SIPA1L1: variants seen among roughly 807,000 people sequenced by gnomAD.
The protein encoded by SIPA1L1 is signal-induced proliferation-associated 1-like protein 1.
Under a neutral mutation model 162.7 loss-of-function variants are expected in SIPA1L1, and 26 were observed. The observed-to-expected ratio is 0.16, with a 90% CI of 0.12 to 0.22. The LOEUF is 0.22. Among genes scored for constraint, SIPA1L1 ranks in the 10% least tolerant of loss-of-function variants. The pLI is 1.00. For synonymous variants in SIPA1L1, 829 were observed against 837.4 expected (o/e 0.99, Z 0.17); for missense variants, 1,874 against 2,241.0 (o/e 0.84, Z 3.31).
intron 2 of SIPA1L1, among the ~76,000 whole-genome samples, chr14:71,482,079 A>G (rs1595696760): frequency 6.6e-6 from 1 of 152,142 alleles, no homozygotes. Flanking sequence ...TAATGAGACC[A>G]TTGGGACCCT....
At chr14:71,455,005 C>G (rs2046088029) in intron 2 of SIPA1L1, among the ~76,000 whole-genome samples, 1 of 152,158 alleles carries the variant, frequency 6.6e-6, no homozygotes, top group Non-Finnish European at 1.5e-5. Context: ...TAATATTTGA[C>G]AGGGGCTGAC....
At chr14:71,686,809 G>A (rs185354100) in intron 13 of SIPA1L1, among the ~76,000 whole-genome samples, 1 of 152,156 alleles carries the variant, frequency 6.6e-6, no homozygotes, top group African/African-American at 2.4e-5. Context: ...CTTAGACCTG[G>A]GGAGAAGTCT....
chr14:71,647,713 C>T (rs192651758), intron 7 of SIPA1L1, among the ~76,000 whole-genome samples: 25 of 152,208 alleles, frequency 1.6e-4, no homozygotes, highest in Admixed American at 1.4e-3. Context: ...TAATAGACAT[C>T]GAGACTATCT....
chr14:71,482,684 G>A (rs1345356530), intron 2 of SIPA1L1, among the ~76,000 whole-genome samples: 1 of 152,142 alleles, frequency 6.6e-6, no homozygotes, highest in Non-Finnish European at 1.5e-5. Flanking sequence ...GGGCTCTGAT[G>A]TATTTAACCT....
At chr14:71,497,278 C>T (rs895719651) in intron 2 of SIPA1L1, among the ~76,000 whole-genome samples, 3 of 152,146 alleles carry the variant, frequency 2.0e-5, no homozygotes, top group Admixed American at 6.6e-5. Flanking sequence ...CTCCTAGACT[C>T]AAGGGATCGT....
intron 2 of SIPA1L1, among the ~76,000 whole-genome samples, chr14:71,345,570 T>G (rs1029422412): frequency 1.3e-5 from 2 of 150,730 alleles, no homozygotes; most frequent in Admixed American, 6.7e-5. Context: ...TTCCCACAGC[T>G]TACTCTTTTT....
intron 4 of SIPA1L1, among the ~76,000 whole-genome samples, chr14:71,563,247 C>A (rs1400213148): frequency 6.7e-6 from 1 of 149,414 alleles, no homozygotes; most frequent in African/African-American, 2.4e-5. Context: ...ACAAATACTT[C>A]TTTTATCATA....
At chr14:71,701,179 A>T (rs1442422282) in intron 14 of SIPA1L1, among the ~76,000 whole-genome samples, 2 of 152,082 alleles carry the variant, frequency 1.3e-5, no homozygotes, top group South Asian at 2.1e-4. Flanking sequence ...GTCATATTGG[A>T]TGGGGGTTGG....
intron 2 of SIPA1L1, among the ~76,000 whole-genome samples, chr14:71,442,608 A>G (rs2044992873): frequency 6.6e-6 from 1 of 152,080 alleles, no homozygotes; most frequent in South Asian, 2.1e-4. Context: ...AAATAGGAAA[A>G]TAGGAGAAAA....
intron 2 of SIPA1L1, among the ~76,000 whole-genome samples, chr14:71,356,965 A>G (rs2037335989): frequency 6.6e-6 from 1 of 152,114 alleles, no homozygotes; most frequent in Admixed American, 6.6e-5. Context: ...TAAATTCATT[A>G]GTTATTTGAA....
chr14:71,334,279 T>C (rs2034857134), intron 2 of SIPA1L1, among the ~76,000 whole-genome samples: 1 of 152,252 alleles, frequency 6.6e-6, no homozygotes, highest in Admixed American at 6.5e-5. Flanking sequence ...TGTAAAGCTG[T>C]GTCTTACATT....
At chr14:71,442,826 C>T (rs1449357502) in intron 2 of SIPA1L1, among the ~76,000 whole-genome samples, 1 of 152,062 alleles carries the variant, frequency 6.6e-6, no homozygotes, top group African/African-American at 2.4e-5. Context: ...GTCCTAGCCA[C>T]TTGGGAGGCT....
chr14:71,500,239 A>G (rs2143487742), intron 2 of SIPA1L1, among the ~76,000 whole-genome samples: 1 of 152,310 alleles, frequency 6.6e-6, no homozygotes, highest in Non-Finnish European at 1.5e-5. Context: ...CATACATCCA[A>G]CAGAGCACTC....
chr14:71,458,123 C>T (rs1037526889), intron 2 of SIPA1L1, among the ~76,000 whole-genome samples: 2 of 152,030 alleles, frequency 1.3e-5, no homozygotes, highest in Admixed American at 1.3e-4. Flanking sequence ...TTACCTACCC[C>T]TTAGTCCTGA....
At chr14:71,735,624 T>C in intron 22 of SIPA1L1, 2 of 450,916 alleles carry the variant, frequency 4.4e-6, no homozygotes, top group Non-Finnish European at 7.9e-6. Context: ...TATTATTTAA[T>C]GTCATAATAC....
At chr14:71,686,157 G>A (rs772654982) in intron 13 of SIPA1L1, among the ~76,000 whole-genome samples, 14 of 152,202 alleles carry the variant, frequency 9.2e-5, no homozygotes, top group Non-Finnish European at 1.6e-4. Flanking sequence ...AAGACGATAC[G>A]TGGAGATACG....
intron 10 of SIPA1L1, 21 bp downstream of exon 10, chr14:71,661,488 A>G (rs1555342492): frequency 6.2e-7 from 1 of 1,605,324 alleles, no homozygotes; most frequent in Non-Finnish European, 8.5e-7. Context: ...GTGTCACAGC[A>G]GGGGCTCTGT....
intron 2 of SIPA1L1, among the ~76,000 whole-genome samples, chr14:71,486,932 A>T (rs932723282): frequency 8.5e-5 from 13 of 152,238 alleles, no homozygotes; most frequent in Non-Finnish European, 5.9e-5. Context: ...ATGTAAAATT[A>T]TCCGGTCTTT....
At chr14:71,422,124 A>C (rs758441117) in intron 2 of SIPA1L1, among the ~76,000 whole-genome samples, 14 of 152,196 alleles carry the variant, frequency 9.2e-5, no homozygotes, top group Non-Finnish European at 1.9e-4. Flanking sequence ...TTAGCCTGGG[A>C]AAGAGATATG....
Sources: allele counts gnomAD v4.1 joint callset (sites outside exome capture counted in the v4.1 genomes callset), GRCh38; gene constraint gnomAD v4.1.1; transcripts MANE v1.5; gene names NCBI Gene and HGNC (gene_info 2026-07-23, HGNC 2026-07-21).